Variants in LTBP1 observed in about 807,000 individuals in gnomAD.
The protein encoded by LTBP1 is latent-transforming growth factor beta-binding protein 1.
LTBP1 carries 129 observed loss-of-function variants against 207.6 expected under a neutral mutation model. The ratio of observed to expected loss-of-function variants is 0.62; its 90% CI spans 0.54 to 0.72. The LOEUF is 0.72. Among genes scored for constraint, LTBP1 ranks in the 30% least tolerant of loss-of-function variants. The pLI is 0.00. For synonymous variants in LTBP1, 963 were observed against 833.7 expected, an observed-to-expected ratio of 1.16 and a Z score of -2.67; for missense variants, 2,281 against 2,217.2, an observed-to-expected ratio of 1.03 and a Z score of -0.58.
At chr2:33,075,911 G>A (rs2078055575) in intron 3 of LTBP1, among the ~76,000 whole-genome samples, 1 of 152,048 alleles carries the variant, frequency 6.6e-6, no homozygotes. Flanking sequence ...TAGGCATTAG[G>A]TCCTCTTTTC....
chr2:33,195,888 C>A (rs187760597), intron 7 of LTBP1, among the ~76,000 whole-genome samples: 1 of 152,278 alleles, frequency 6.6e-6, no homozygotes, highest in African/African-American at 2.4e-5. Flanking sequence ...CCCTCAGGAA[C>A]CCCCATCCTG....
At chr2:33,113,664 A>G (rs1427263349) in intron 4 of LTBP1, among the ~76,000 whole-genome samples, 1 of 152,214 alleles carries the variant, frequency 6.6e-6, no homozygotes, top group Non-Finnish European at 1.5e-5. Context: ...GTAACTTGAC[A>G]TCCTATGTTG....
intron 24 of LTBP1, among the ~76,000 whole-genome samples, chr2:33,322,414 G>A (rs1023330641): frequency 1.3e-5 from 2 of 152,150 alleles, no homozygotes; most frequent in African/African-American, 4.8e-5. Context: ...TTGTACTTGA[G>A]ACCTAAACTG....
rs1397835218 is a variant in LTBP1, at chr2:33,210,067, A to G, written c.1702-7485A>G. On this transcript the variant is annotated intron_variant, in intron 7 of 33. Coordinates refer to ENST00000404816, the MANE Select transcript of LTBP1 (RefSeq NM_206943.4). ...TTACCCAGTTGTGGGTCATCCTTAC[A>G]TTGCTTTTCACTGAGTTCAAGGGGA... Among the ~76,000 whole-genome samples, 4 of 152,316 alleles carry G rather than the reference A, an allele frequency of 2.6e-5. No homozygotes were observed. The East Asian group carries it at 5.8e-4, about 22-fold the overall frequency.
intron 5 of LTBP1, among the ~76,000 whole-genome samples, chr2:33,184,402 A>AG (rs1266945750): frequency 6.6e-6 from 1 of 152,018 alleles, no homozygotes. Context: ...CTGAGGTTTC[A>AG]GCAACATAGG....
Position 33,304,537 on chromosome 2 carries a change from C to T in LTBP1, c.3481+2893C>T, listed in dbSNP as rs115489847. ...CCCAAGTGTTGTGCCTGCTTCTGTGCGCTACTGACTCCAGCATGCTTGGTA... is the reference window on the plus strand; with the variant it reads ...CCCAAGTGTTGTGCCTGCTTCTGTGTGCTACTGACTCCAGCATGCTTGGTA... On this transcript the variant is annotated intron_variant, in intron 22 of 33. Transcript: ENST00000404816. 5.8e-3 allele frequency among the ~76,000 whole-genome samples: 888 copies of T among 152,314 alleles called. 13 individuals are homozygous for T. The highest frequency in any genetic ancestry group is 0.021 in the African/African-American group (854 of 41,566).
intron 3 of LTBP1, among the ~76,000 whole-genome samples, chr2:33,030,220 G>T (rs2075627402): frequency 6.6e-6 from 1 of 152,142 alleles, no homozygotes; most frequent in African/African-American, 2.4e-5. Flanking sequence ...TTTCTAGGAA[G>T]GATGTTCTTA....
At chr2:33,158,736 T>C (rs2084211613) in intron 5 of LTBP1, among the ~76,000 whole-genome samples, 1 of 152,238 alleles carries the variant, frequency 6.6e-6, no homozygotes, top group African/African-American at 2.4e-5. Flanking sequence ...GAATTTAAAA[T>C]ATAAACTCAA....
rs921490237 is a variant in LTBP1 at position 33,302,588 on chromosome 2, C to G, written c.3481+944C>G. On this transcript the variant is annotated intron_variant, in intron 22 of 33. Coordinates refer to ENST00000404816, the MANE Select transcript of LTBP1 (RefSeq NM_206943.4). ...AGAAGCAGTCACAAGTGGCTGAGCCCCATATCCTCCTGCTGCTGGGAGTGT... is the reference window on the plus strand; with the variant it reads ...AGAAGCAGTCACAAGTGGCTGAGCCGCATATCCTCCTGCTGCTGGGAGTGT... Among the ~76,000 whole-genome samples, 7 of 152,122 alleles carry G rather than the reference C, an allele frequency of 4.6e-5. No homozygotes were observed. The South Asian group carries it at 1.5e-3, about 32-fold the overall frequency.
At position 33,306,885 on chromosome 2, in the gene LTBP1, C is replaced by T. The variant is rs536157464; in HGVS notation, c.3482-2549C>T. 2.9e-4 allele frequency among the ~76,000 whole-genome samples: 44 copies of T among 152,156 alleles called. No homozygotes were observed. In the South Asian group the frequency reaches 6.0e-3, roughly 21 times the overall value. ...CGGGTGGATCACAAGGTCAAGGGAT[C>T]GAGACCGTCTTGGCCAACATGGTGA... On this transcript the variant is annotated intron_variant, in intron 22 of 33. Transcript: ENST00000404816.
chr2:33,354,847 C>A (rs2094836890), intron 26 of LTBP1, among the ~76,000 whole-genome samples: 1 of 151,980 alleles, frequency 6.6e-6, no homozygotes, highest in African/African-American at 2.4e-5. Flanking sequence ...CTTAAGTGAT[C>A]CTCCCACCTC....
intron 26 of LTBP1, among the ~76,000 whole-genome samples, chr2:33,356,669 C>T (rs1460639806): frequency 1.3e-5 from 2 of 152,082 alleles, no homozygotes; most frequent in African/African-American, 4.8e-5. Context: ...AACAAAAAAC[C>T]ACATTTCTCA....
intron 3 of LTBP1, among the ~76,000 whole-genome samples, chr2:33,037,779 A>G (rs184631905): frequency 3.9e-5 from 6 of 152,318 alleles, no homozygotes; most frequent in Admixed American, 2.6e-4. Flanking sequence ...GTGCCGTGGC[A>G]TGACCATGGC....
chr2:32,987,691 A>C (rs1339898568), intron 2 of LTBP1, among the ~76,000 whole-genome samples: 1 of 152,154 alleles, frequency 6.6e-6, no homozygotes, highest in African/African-American at 2.4e-5. Context: ...GGAAATACAC[A>C]CTGTTGTTAT....
intron 4 of LTBP1, among the ~76,000 whole-genome samples, chr2:33,113,400 G>T (rs1166699636): frequency 1.3e-5 from 2 of 152,202 alleles, no homozygotes; most frequent in Non-Finnish European, 2.9e-5. Context: ...GGAAAGAGAT[G>T]AGGATGGAGG....
intron 31 of LTBP1, among the ~76,000 whole-genome samples, chr2:33,383,729 G>C (rs2095241531): frequency 6.6e-6 from 1 of 152,066 alleles, no homozygotes; most frequent in South Asian, 2.1e-4. Context: ...TGGAGACAGA[G>C]TTTCACCATG....
chr2:33,386,825 C>G (rs954953131), intron 31 of LTBP1, among the ~76,000 whole-genome samples: 3 of 140,240 alleles, frequency 2.1e-5, no homozygotes, highest in African/African-American at 8.2e-5. Flanking sequence ...AGAGCAAGAC[C>G]CTTTTTTTTT....
intron 2 of LTBP1, among the ~76,000 whole-genome samples, chr2:32,967,194 T>A (rs1680134666): frequency 6.6e-6 from 1 of 152,136 alleles, no homozygotes; most frequent in African/African-American, 2.4e-5. Flanking sequence ...ACATTAGTAG[T>A]TTGTGTCTTC....
chr2:33,333,082 G>C (rs1267055790), intron 24 of LTBP1: 1 of 152,150 alleles, frequency 6.6e-6, no homozygotes. Flanking sequence ...AAGTGTAACT[G>C]AAATAGACTG....
Sources: gnomAD v4.1 joint callset for allele counts (sites outside exome capture counted in the v4.1 genomes callset) on GRCh38, gnomAD v4.1.1 for gene constraint, MANE v1.5 for transcripts, NCBI Gene and HGNC (gene_info 2026-07-23, HGNC 2026-07-21) for gene names.